JPH1: variants seen among roughly 807,000 people sequenced by gnomAD.
JPH1 encodes the protein junctophilin-1.
Under a neutral mutation model 53.6 loss-of-function variants are expected in JPH1, and 12 were observed. The observed-to-expected ratio is 0.22, with a 90% confidence interval of 0.14 to 0.36. JPH1 has a LOEUF of 0.36. JPH1 is among the 10% of genes least tolerant of loss of function. JPH1 has a pLI of 1.00. For synonymous variants in JPH1, 375 were observed against 363.8 expected, an observed-to-expected ratio of 1.03 and a Z score of -0.35; for missense variants, 808 against 905.5, an observed-to-expected ratio of 0.89 and a Z score of 1.38.
chr8:74,267,505 G>T (rs1440806724), intron 2 of JPH1, among the ~76,000 whole-genome samples: 1 of 152,214 alleles, frequency 6.6e-6, no homozygotes, highest in African/African-American at 2.4e-5. Context: ...TGATTCATGT[G>T]CAGTCACTGA....
intron 4 of JPH1, among the ~76,000 whole-genome samples, chr8:74,241,678 G>A (rs1805693132): frequency 6.6e-6 from 1 of 152,134 alleles, no homozygotes; most frequent in African/African-American, 2.4e-5. Flanking sequence ...GAAGAACAAA[G>A]TTTAATTAAG....
intron 2 of JPH1, among the ~76,000 whole-genome samples, chr8:74,282,163 T>A (rs1807032755): frequency 6.6e-6 from 1 of 152,182 alleles, no homozygotes; most frequent in Non-Finnish European, 1.5e-5. Context: ...TTGCCCAAGT[T>A]GGAGTCAAGA....
Position 74,314,935 on chromosome 8 carries a change from C to G in JPH1, c.1065G>C (p.Lys355Asn). The G allele has an allele frequency of 1.2e-6, 2 of 1,614,216 alleles. No homozygotes were observed. The highest frequency in any genetic ancestry group is 8.5e-7 in the Non-Finnish European group (1 of 1,180,044). ...GGGCGCCTTCAATTGCTCTGTCCAC[C>G]TTCTCCCTAGTTTTTGTATGTCTTA... ...IPIRHTKTRE[K>N]VDRAIEGAQR... is the part of the protein sequence containing the mutation. The change falls in exon 2 of 6, where the codon AAG (lysine) becomes AAC (asparagine). Residue 355 changes from lysine (K) to asparagine (N), a missense_variant. Physicochemically the swap from Lys to Asn is moderately conservative, Grantham distance 94 (BLOSUM62 0). Transcript: ENST00000342232.
chr8:74,307,511 A>G (rs188844499), intron 2 of JPH1, among the ~76,000 whole-genome samples: 2 of 152,362 alleles, frequency 1.3e-5, no homozygotes, highest in East Asian at 3.9e-4. Context: ...AGAAGAATAC[A>G]GGTAGCAGAA....
intron 2 of JPH1, among the ~76,000 whole-genome samples, chr8:74,284,562 A>G (rs1480581805): frequency 6.6e-6 from 1 of 152,192 alleles, no homozygotes; most frequent in East Asian, 1.9e-4. Context: ...AAGCGTCTCC[A>G]TTATTGAAAC....
chr8:74,296,538 G>C (rs544868956), intron 2 of JPH1, among the ~76,000 whole-genome samples: 25 of 152,158 alleles, frequency 1.6e-4, no homozygotes, highest in African/African-American at 6.0e-4. Context: ...TCATAGTGAT[G>C]CAATGAATGG....
chr8:74,260,510 T>C (rs187626461), intron 2 of JPH1, among the ~76,000 whole-genome samples: 32 of 152,342 alleles, frequency 2.1e-4, no homozygotes, highest in Admixed American at 7.2e-4. Flanking sequence ...TTTTCTATTA[T>C]ATTTTATTAG....
chr8:74,318,739 G>C (rs1420743819), intron 1 of JPH1, among the ~76,000 whole-genome samples: 1 of 152,174 alleles, frequency 6.6e-6, no homozygotes, highest in African/African-American at 2.4e-5. Flanking sequence ...GCGATGGGGA[G>C]AGTGCAAACA....
intron 2 of JPH1, among the ~76,000 whole-genome samples, chr8:74,280,287 T>C (rs1159754341): frequency 1.3e-5 from 2 of 152,176 alleles, no homozygotes; most frequent in East Asian, 3.9e-4. Flanking sequence ...GGGTGCAAAG[T>C]ACAAATATCC....
Position 74,259,452 on chromosome 8 carries a change from G to A in JPH1, c.1191C>T (p.Ala397=), listed in dbSNP as rs755412265. Residue 397 remains alanine, a synonymous_variant, in exon 3 of 6, where the codon GCC becomes GCT. Coordinates refer to ENST00000342232, the MANE Select transcript of JPH1 (RefSeq NM_020647.4). ...TCGCGATGTCGCACTCCTGGCGAGCGGCCAGCGCGGCCTGGTCGGCGGCAT... is the reference window on the plus strand; with the variant it reads ...TCGCGATGTCGCACTCCTGGCGAGCAGCCAGCGCGGCCTGGTCGGCGGCAT... ...KADAADQAAL[A]ARQECDIARA... The A allele has an allele frequency of 2.5e-5, 41 of 1,613,284 alleles. No homozygotes were observed. Among genetic ancestry groups the A allele is most frequent in the African/African-American group, 8.0e-5 (6 of 74,938 alleles).
At chr8:74,242,924 C>T (rs571356756) in intron 4 of JPH1, among the ~76,000 whole-genome samples, 14 of 152,344 alleles carry the variant, frequency 9.2e-5, no homozygotes, top group Non-Finnish European at 1.9e-4. Context: ...ACGTATACTA[C>T]TGTTTTACAG....
At chr8:74,309,593 A>G (rs1048117234) in intron 2 of JPH1, among the ~76,000 whole-genome samples, 1 of 152,340 alleles carries the variant, frequency 6.6e-6, no homozygotes, top group African/African-American at 2.4e-5. Context: ...CTTTCTTTAA[A>G]TATTTTTCTC....
At chr8:74,296,001 T>C (rs1384827209) in intron 2 of JPH1, among the ~76,000 whole-genome samples, 3 of 79,616 alleles carry the variant, frequency 3.8e-5, no homozygotes, top group Admixed American at 2.2e-4. Flanking sequence ...CAACCTGGTA[T>C]GTAGCAATCT....
intron 2 of JPH1, among the ~76,000 whole-genome samples, chr8:74,272,400 T>C (rs1304279622): frequency 6.6e-6 from 1 of 152,054 alleles, no homozygotes; most frequent in East Asian, 1.9e-4. Flanking sequence ...ATGCTAGGGG[T>C]GAAAAGAAAA....
rs1807349401 is a variant in JPH1, at chr8:74,292,216, A to G, written c.1139+22645T>C. On this transcript the variant is annotated intron_variant, in intron 2 of 5. Coordinates refer to ENST00000342232, the MANE Select transcript of JPH1 (RefSeq NM_020647.4). ...AACAGAAAAAAACGTTCTGAAAAAC[A>G]CAACTGATTCCCACATGGCACTTAC... Among the ~76,000 whole-genome samples, 4 of 152,232 alleles carry G rather than the reference A, an allele frequency of 2.6e-5. No homozygotes were observed. The South Asian group carries it at 8.3e-4, about 31-fold the overall frequency.
At chr8:74,244,401 C>T in intron 4 of JPH1, 128 bp downstream of exon 4, 1 of 1,024,118 alleles carries the variant, frequency 9.8e-7, no homozygotes, top group Non-Finnish European at 1.4e-6. Flanking sequence ...ATGTGCTGCT[C>T]TAAACAACCC....
chr8:74,293,078 C>T (rs1807386388), intron 2 of JPH1, among the ~76,000 whole-genome samples: 1 of 152,102 alleles, frequency 6.6e-6, no homozygotes, highest in African/African-American at 2.4e-5. Context: ...TATTTGTATG[C>T]AAAGTATTAG....
intron 3 of JPH1, among the ~76,000 whole-genome samples, chr8:74,251,764 T>A (rs1325875648): frequency 6.6e-6 from 1 of 152,204 alleles, no homozygotes; most frequent in East Asian, 1.9e-4. Flanking sequence ...TAAAATAGAT[T>A]CAATGCCATC....
At chr8:74,300,958 C>T (rs971304130) in intron 2 of JPH1, among the ~76,000 whole-genome samples, 18 of 152,220 alleles carry the variant, frequency 1.2e-4, no homozygotes, top group South Asian at 1.0e-3. Context: ...CCCAACCAGC[C>T]GTATACCGGG....
Sources: allele counts gnomAD v4.1 joint callset (sites outside exome capture counted in the v4.1 genomes callset), GRCh38; gene constraint gnomAD v4.1.1; transcripts MANE v1.5; gene names NCBI Gene and HGNC (gene_info 2026-07-23, HGNC 2026-07-21).